The following PDE1A variants were observed in gnomAD, a reference collection of about 807,000 sequenced individuals.
PDE1A encodes dual specificity calcium/calmodulin-dependent 3',5'-cyclic nucleotide phosphodiesterase 1A.
PDE1A carries 35 observed loss-of-function variants against 61.7 expected under a neutral mutation model. The observed-to-expected ratio is 0.57, with a 90% CI of 0.43 to 0.75. The LOEUF (loss-of-function observed/expected upper bound fraction) is 0.75. PDE1A is among the 30% of genes least tolerant of loss of function. The pLI, the probability that PDE1A is intolerant of heterozygous loss-of-function variation, is 0.00. For missense variants in PDE1A, 597 were observed against 630.6 expected (o/e 0.95, Z 0.57); for synonymous variants, 232 against 213.2 (o/e 1.09, Z -0.77).
chr2:182,588,253 T>A, the PDE1A span, among the ~76,000 whole-genome samples: 1 of 152,196 alleles, frequency 6.6e-6, no homozygotes, highest in South Asian at 2.1e-4. Flanking sequence ...GTTGAGCTTC[T>A]CTCTCCAGTT....
chr2:182,425,460 T>C (rs1370184155), intron 1 of PDE1A, among the ~76,000 whole-genome samples: 11 of 152,204 alleles, frequency 7.2e-5, no homozygotes, highest in Admixed American at 7.2e-4. Context: ...GATAGTAATA[T>C]TAAATCCATA....
chr2:182,639,858 T>G, the PDE1A span, among the ~76,000 whole-genome samples: 1 of 149,008 alleles, frequency 6.7e-6, no homozygotes, highest in African/African-American at 2.4e-5. Flanking sequence ...AACATATAAT[T>G]TATATAAATA....
the PDE1A span, among the ~76,000 whole-genome samples, chr2:182,681,901 C>T: frequency 2.2e-4 from 33 of 152,324 alleles, 2 homozygotes; most frequent in East Asian, 6.2e-3. Context: ...TCACCTCGGC[C>T]TCCCAAAGTG....
At chr2:182,524,340 G>C (rs189276318), upstream of PDE1A, among the ~76,000 whole-genome samples, 1 of 152,268 alleles carries the variant, frequency 6.6e-6, no homozygotes, top group African/African-American at 2.4e-5. Context: ...AGGCTATACA[G>C]ATGATTTTCT....
At chr2:182,259,862 G>A (rs1692099010) in intron 2 of PDE1A, among the ~76,000 whole-genome samples, 1 of 152,148 alleles carries the variant, frequency 6.6e-6, no homozygotes, top group Non-Finnish European at 1.5e-5. Context: ...ATCCAAATAA[G>A]GACAATCGAA....
exon 15 of PDE1A, chr2:182,140,699 T>A (rs1690189241): frequency 6.6e-6 from 1 of 152,198 alleles, no homozygotes; most frequent in African/African-American, 2.4e-5. Context: ...CAGCCTAACC[T>A]ATCAATCCCT....
chr2:182,293,998 T>C lies in PDE1A; in HGVS notation c.54-29584A>G, dbSNP rs549506103. On this transcript the variant is annotated intron_variant, in intron 1 of 13. Coordinates refer to ENST00000351439, the Ensembl canonical transcript of PDE1A. ...GGTGTGATATTAGGAGCAGATGATA[T>C]TGATGACTGATGGGTAAGTAGCATA... is the stretch of plus-strand genomic sequence containing the variant. 8.5e-5 allele frequency among the ~76,000 whole-genome samples: 13 copies of C among 152,314 alleles called. No homozygotes were observed. In the South Asian group the frequency reaches 2.3e-3, roughly 27 times the overall value.
At chr2:182,706,259 A>T in the PDE1A span, among the ~76,000 whole-genome samples, 105,538 of 152,022 alleles carry the variant, frequency 0.69, 37,428 homozygotes, top group African/African-American at 0.83. Flanking sequence ...GCTTGTCCTA[A>T]TTATTTAGCA....
At chr2:182,338,607 C>T (rs138922904) in intron 1 of PDE1A, among the ~76,000 whole-genome samples, 5 of 149,186 alleles carry the variant, frequency 3.4e-5, no homozygotes, top group African/African-American at 1.2e-4. Flanking sequence ...TCACTGCAAC[C>T]TCTGCCTCCC....
At chr2:182,206,056 A>C (rs1158405917) in exon 8 of PDE1A, 2 of 1,609,218 alleles carry the variant, frequency 1.2e-6, no homozygotes, top group Admixed American at 1.7e-5. Flanking sequence ...ACAAAATGGC[A>C]ACATCTGACC....
chr2:182,278,718 T>C (rs1693608536), intron 1 of PDE1A, among the ~76,000 whole-genome samples: 1 of 152,002 alleles, frequency 6.6e-6, no homozygotes, highest in Admixed American at 6.6e-5. Context: ...GAATACCTGT[T>C]TGACATTCCA....
At chr2:182,577,931 C>CGGAAGGAGGGAAGGAA in the PDE1A span, among the ~76,000 whole-genome samples, 1 of 82,200 alleles carries the variant, frequency 1.2e-5, no homozygotes, top group Non-Finnish European at 2.2e-5. Context: ...AGAAAGAAAA[C>CGGAAGGAGGGAAGGAA]GGAAGGAAGG....
At chr2:182,255,907 AATG>A (rs1420515608) in intron 2 of PDE1A, among the ~76,000 whole-genome samples, 8 of 151,202 alleles carry the variant, frequency 5.3e-5, no homozygotes, top group Non-Finnish European at 1.2e-4. Context: ...CTGCTGACCT[AATG>A]ATCCACCCGC....
At chr2:182,199,237 T>C (rs1230024078) in intron 10 of PDE1A, among the ~76,000 whole-genome samples, 4 of 151,944 alleles carry the variant, frequency 2.6e-5, no homozygotes, top group African/African-American at 9.7e-5. Flanking sequence ...CTGCAAGTAA[T>C]TTCATTACTT....
chr2:182,185,234 T>G (rs1685107847), intron 13 of PDE1A, among the ~76,000 whole-genome samples: 2 of 152,130 alleles, frequency 1.3e-5, no homozygotes, highest in Admixed American at 1.3e-4. Flanking sequence ...GAGACAGAGC[T>G]GTGGGAATGA....
At chr2:182,398,030 G>A (rs1005806634) in intron 1 of PDE1A, among the ~76,000 whole-genome samples, 1 of 151,932 alleles carries the variant, frequency 6.6e-6, no homozygotes, top group Non-Finnish European at 1.5e-5. Flanking sequence ...CAACTGTGCT[G>A]AGAACAGATG....
intron 13 of PDE1A, among the ~76,000 whole-genome samples, chr2:182,176,491 G>A (rs1167275057): frequency 7.8e-4 from 109 of 139,438 alleles, no homozygotes; most frequent in Middle Eastern, 7.2e-3. Context: ...CTGTTTGTCT[G>A]TTGTTGGTGT....
the PDE1A span, among the ~76,000 whole-genome samples, chr2:182,696,708 A>G: frequency 6.6e-6 from 1 of 152,124 alleles, no homozygotes; most frequent in Admixed American, 6.5e-5. Context: ...GAGGATGTGC[A>G]TGTGTGGGGA....
the PDE1A span, among the ~76,000 whole-genome samples, chr2:182,686,073 T>C: frequency 6.6e-6 from 1 of 152,192 alleles, no homozygotes; most frequent in Admixed American, 6.5e-5. Flanking sequence ...TATACCCTTC[T>C]TTTCCTTCCC....
Sources: gnomAD v4.1 joint callset for allele counts (sites outside exome capture counted in the v4.1 genomes callset) on GRCh38, gnomAD v4.1.1 for gene constraint, MANE v1.5 for transcripts, NCBI Gene and HGNC (gene_info 2026-07-23, HGNC 2026-07-21) for gene names.